PHKG1: variants seen among roughly 807,000 people sequenced by gnomAD.
PHKG1 encodes phosphorylase b kinase gamma catalytic chain, skeletal muscle/heart isoform.
PHKG1 carries 48 observed loss-of-function variants against 50.5 expected under a neutral mutation model. The observed-to-expected ratio is 0.95, with a 90% CI of 0.75 to 1.21. PHKG1 has a LOEUF of 1.21. Ranked by LOEUF, PHKG1 falls within the 50% of genes most tolerant of loss-of-function variation. PHKG1 has a pLI of 0.00. For missense variants in PHKG1, 487 were observed against 519.5 expected, an observed-to-expected ratio of 0.94 and a Z score of 0.61; for synonymous variants, 204 against 212.8, an observed-to-expected ratio of 0.96 and a Z score of 0.36.
chr7:56,087,749 G>A lies in PHKG1; in HGVS notation c.111C>T (p.Cys37=). 6.2e-7 allele frequency: 1 copy of A among 1,612,896 alleles called. No homozygotes were observed. ...GRGVSSVVRR[C]IHKPTSQEYA... ...ACTCCTGGCTCGTGGGCTTGTGGAT[G>A]CATCGCCTGACCACACTGCTAACGC... Residue 37 remains cysteine (C), a synonymous_variant, in exon 3 of 10, where the codon TGC becomes TGT. Coordinates refer to ENST00000297373, the MANE Select transcript of PHKG1 (RefSeq NM_006213.5).
intron 6 of PHKG1, 76 bp downstream of exon 6, chr7:56,083,202 C>T: frequency 7.4e-7 from 1 of 1,344,704 alleles, no homozygotes; most frequent in Non-Finnish European, 1.0e-6. Context: ...GGGGAGAAAC[C>T]CAGACCATCT....
intron 1 of PHKG1, among the ~76,000 whole-genome samples, chr7:56,090,244 T>C (rs528447508): frequency 2.6e-5 from 4 of 152,246 alleles, no homozygotes; most frequent in Non-Finnish European, 5.9e-5. Context: ...GCCTCCAGAA[T>C]AGCTGGGATT....
intron 3 of PHKG1, 52 bp downstream of exon 3, chr7:56,087,546 G>C: frequency 6.4e-7 from 1 of 1,567,774 alleles, no homozygotes; most frequent in Non-Finnish European, 8.7e-7. Flanking sequence ...TGGGCTGTCA[G>C]GGCAGAATCA....
At chr7:56,090,200 C>T (rs1796444608) in intron 1 of PHKG1, among the ~76,000 whole-genome samples, 1 of 152,152 alleles carries the variant, frequency 6.6e-6, no homozygotes, top group Non-Finnish European at 1.5e-5. Context: ...ACTGCAACCT[C>T]CACCTCCAAG....
rs555692087 is a variant in PHKG1, at chr7:56,091,301, G to C, written c.-35+1535C>G. ...GGAGGCCGAGGCAGGAGGATCACGA[G>C]GTCAGGAGATCGAGACCATCCTGGC... On this transcript the variant is annotated intron_variant, in intron 1 of 9. Coordinates refer to ENST00000297373, the MANE Select transcript of PHKG1 (RefSeq NM_006213.5). Among the ~76,000 whole-genome samples, 6 of 152,256 alleles carry C rather than the reference G, an allele frequency of 3.9e-5. 1 individual carries two copies. The highest frequency in any genetic ancestry group is 1.4e-4 in the African/African-American group (6 of 41,558).
rs572453738 is a variant in PHKG1, at chr7:56,081,371, G to A, written c.919-72C>T. 2.1e-5 allele frequency: 32 copies of A among 1,511,412 alleles called. No individual in the cohort carries two copies. Among genetic ancestry groups the A allele is most frequent in the Non-Finnish European group, 2.7e-5 (30 of 1,131,846 alleles). 93.6% of individuals were successfully genotyped at this position (1,511,412 alleles called of 1,614,324 possible). A position where few individuals can be genotyped will look rare whatever the true frequency, so the allele number is the denominator to read the frequency against. Reference sequence around the variant, plus strand: ...GGCCCTGCCCCTCCAGCACAGGGACGCTCTGGGCTCGTTTGCCACGAAGCC... The same window carrying A: ...GGCCCTGCCCCTCCAGCACAGGGACACTCTGGGCTCGTTTGCCACGAAGCC... On this transcript the variant is annotated intron_variant, in intron 9 of 9. Coordinates refer to ENST00000297373, the MANE Select transcript of PHKG1 (RefSeq NM_006213.5). The surrounding 1 kb of genome is among the most constrained non-coding windows in gnomAD (Gnocchi z 4.6).
At position 56,082,014 on chromosome 7, in the gene PHKG1, A is replaced by G; in HGVS notation, c.671T>C (p.Leu224Pro). The G allele has an allele frequency of 6.2e-7, 1 of 1,613,922 alleles. No individual in the cohort carries two copies. Among genetic ancestry groups the G allele is most frequent in the Non-Finnish European group, 8.5e-7 (1 of 1,179,956 alleles). ...WSTGVIMYTL[L>P]AGSPPFWHRK... Reference sequence around the variant, plus strand: ...GTGCCAGAAGGGCGGGGAGCCGGCCAGCAGCGTGTACATGATGACGCCAGT... The same window carrying G: ...GTGCCAGAAGGGCGGGGAGCCGGCCGGCAGCGTGTACATGATGACGCCAGT... The change falls in exon 8 of 10, where the codon CTG becomes CCG. Residue 224 changes from leucine (L) to proline (P), a missense_variant. Leu to Pro is a moderately conservative substitution (Grantham distance 98). Coordinates refer to ENST00000297373, the MANE Select transcript of PHKG1 (RefSeq NM_006213.5).
rs760005495 is a variant in PHKG1, at chr7:56,081,303, C to T, written c.919-4G>A. ...CCAGCACGGTCAGAGCGATCACCTG[C>T]AGGGCCAGGCGGAGAAGCTGGGCTG... On this transcript the variant is annotated splice_polypyrimidine_tract_variant and splice_region_variant and intron_variant, in intron 9 of 9. Coordinates refer to ENST00000297373, the MANE Select transcript of PHKG1 (RefSeq NM_006213.5). This position sits in a 1 kb window ranked among gnomAD's most constrained non-coding sequence, Gnocchi z 4.6. 8 of 1,603,662 alleles carry T rather than the reference C, an allele frequency of 5.0e-6. No individual in the cohort carries two copies. Among genetic ancestry groups the T allele is most frequent in the Middle Eastern group, 1.9e-4 (1 of 5,222 alleles).
Position 56,083,413 on chromosome 7 carries a change from T to C in PHKG1, c.412A>G (p.Ile138Val). The C allele has an allele frequency of 6.2e-7, 1 of 1,614,184 alleles. No homozygotes were observed. The highest frequency in any genetic ancestry group is 8.5e-7 in the Non-Finnish European group (1 of 1,180,026). Reference sequence around the variant, plus strand: ...ATGTTGAGTTTGTGCAAGGTGCAGATCACCTCCAGCAGAGCTCGCATGATC... The same window carrying C: ...ATGTTGAGTTTGTGCAAGGTGCAGACCACCTCCAGCAGAGCTCGCATGATC... Reference protein sequence around the residue: ...RKIMRALLEVICTLHKLNIVH... With the variant: ...RKIMRALLEVVCTLHKLNIVH... Residue 138 changes from isoleucine to valine, a missense_variant, in exon 6 of 10, where the codon ATC (isoleucine) becomes GTC (valine). Coordinates refer to ENST00000297373, the MANE Select transcript of PHKG1 (RefSeq NM_006213.5).
At chr7:56,086,859 G>C in intron 4 of PHKG1, 111 bp downstream of exon 4, 1 of 837,308 alleles carries the variant, frequency 1.2e-6, no homozygotes, top group Non-Finnish European at 2.1e-6. Flanking sequence ...ATTGTATTTG[G>C]CATCCTCAGC....
In PHKG1 at chr7:56,087,018, A is replaced by C; in HGVS notation, c.269T>G (p.Leu90Arg). 6.2e-7 allele frequency: 1 copy of C among 1,613,144 alleles called. No homozygotes were observed. The highest frequency in any genetic ancestry group is 8.5e-7 in the Non-Finnish European group (1 of 1,179,442). Residue 90 changes from leucine to arginine, a missense_variant, in exon 4 of 10, where the codon CTG becomes CGG. Coordinates refer to ENST00000297373, the MANE Select transcript of PHKG1 (RefSeq NM_006213.5). ...AGTGTTGGTCTCATAAGTGTCCTTC[A>C]GCTGTACTGAAATGGAAATGGCTAG... is the stretch of plus-strand genomic sequence containing the variant. ...KVSGHPNIIQ[L>R]KDTYETNTFF...
At chr7:56,083,105 C>CAA (rs374270655) in intron 6 of PHKG1, 173 bp downstream of exon 6, 824 of 442,066 alleles carry the variant, frequency 1.9e-3, no homozygotes, top group Non-Finnish European at 2.1e-3. Context: ...GACTCCATCT[C>CAA]AAAAAAAAAA....
In PHKG1 at chr7:56,082,203, T is replaced by C. The variant is rs73126331; in HGVS notation, c.598A>G (p.Met200Val). Reference protein sequence around the residue: ...YLAPEIIECSMNEDHPGYGKE... With the variant: ...YLAPEIIECSVNEDHPGYGKE... Reference sequence around the variant, plus strand: ...CCGTAGCCCGGGTGGTCCTCATTCATGGAGCACTCGATAATCTCAGGGGCC... The same window carrying C: ...CCGTAGCCCGGGTGGTCCTCATTCACGGAGCACTCGATAATCTCAGGGGCC... The change falls in exon 7 of 10, where the codon ATG (methionine) becomes GTG (valine). Residue 200 changes from methionine (M) to valine (V), a missense_variant. Coordinates refer to ENST00000297373, the MANE Select transcript of PHKG1 (RefSeq NM_006213.5). The C allele has an allele frequency of 5.4e-5, 87 of 1,613,938 alleles. No individual in the cohort carries two copies. The highest frequency in any genetic ancestry group is 7.1e-5 in the Non-Finnish European group (84 of 1,180,006).
rs200606424 is a variant in PHKG1 at position 56,088,981 on chromosome 7, A to C, written c.-34-6T>G. On this transcript the variant is annotated splice_region_variant and splice_polypyrimidine_tract_variant and intron_variant, in intron 1 of 9. Coordinates refer to ENST00000297373, the MANE Select transcript of PHKG1 (RefSeq NM_006213.5). ...TGAGGGAACTCTGGGTGGCTCTGAG[A>C]GGGGAAAAGAAAGAAGCTGTCAGCC... 21 of 1,427,354 alleles carry C rather than the reference A, an allele frequency of 1.5e-5. No homozygotes were observed. The East Asian group carries it at 4.5e-4, about 31-fold the overall frequency. 88.4% of individuals were successfully genotyped at this position (1,427,354 alleles called of 1,614,324 possible). A position where few individuals can be genotyped will look rare whatever the true frequency, so the allele number is the denominator to read the frequency against.
chr7:56,084,145 G>A (rs906635287), intron 4 of PHKG1: 12 of 1,510,724 alleles, frequency 7.9e-6, no homozygotes, highest in Middle Eastern at 1.7e-4. Flanking sequence ...CCTGTGAGCA[G>A]TACCTTGCCC....
rs1477486663 is a variant in PHKG1 at position 56,087,668 on chromosome 7, C to T, written c.192G>A (p.Val64=). 2 of 1,613,918 alleles carry T rather than the reference C, an allele frequency of 1.2e-6. No homozygotes were observed. The highest frequency in any genetic ancestry group is 1.7e-6 in the Non-Finnish European group (2 of 1,180,024). The change falls in exon 3 of 10, where the codon GTG becomes GTA. Residue 64 remains valine (V), a synonymous_variant. Transcript: ENST00000297373. The stretch of plus-strand genomic sequence containing the variant: ...TCAGCGTGGCTTCTCGCAGCTCCCG[C>T]ACCTCCTCCGGGCTGAAGCTGCCTC... ...TGGGSFSPEE[V]RELREATLKE... is the part of the protein sequence containing the mutation.
chr7:56,086,386 T>C (rs1389813457), intron 4 of PHKG1, among the ~76,000 whole-genome samples: 1 of 151,894 alleles, frequency 6.6e-6, no homozygotes, highest in Non-Finnish European at 1.5e-5. Flanking sequence ...TATATCACTA[T>C]ACTGTGCCAG....
chr7:56,091,633 G>T (rs1245264122), intron 1 of PHKG1, among the ~76,000 whole-genome samples: 1 of 152,206 alleles, frequency 6.6e-6, no homozygotes, highest in Non-Finnish European at 1.5e-5. Context: ...CAGTGCCAAA[G>T]CTGCCTCCAA....
At chr7:56,084,527 C>A (rs1328371926) in intron 4 of PHKG1, among the ~76,000 whole-genome samples, 1 of 152,022 alleles carries the variant, frequency 6.6e-6, no homozygotes, top group African/African-American at 2.4e-5. Flanking sequence ...GTGCCCACTA[C>A]CACACCCAGC....
Sources: gnomAD v4.1 joint callset for allele counts (sites outside exome capture counted in the v4.1 genomes callset) on GRCh38, gnomAD v4.1.1 for gene constraint, Gnocchi (gnomAD v3.1) non-coding constraint, MANE v1.5 for transcripts, NCBI Gene and HGNC (gene_info 2026-07-23, HGNC 2026-07-21) for gene names.